XRN1: variants seen among roughly 807,000 people sequenced by gnomAD.
XRN1 encodes the protein 5'-3' exoribonuclease 1.
Under a neutral mutation model 222.3 loss-of-function variants are expected in XRN1, and 67 were observed. The observed-to-expected ratio is 0.30, with a 90% CI of 0.25 to 0.37. The LOEUF is 0.37. Ranked by LOEUF, XRN1 falls within the 10% of genes least tolerant of loss-of-function variation. The pLI is 1.00. For missense variants in XRN1, 1,707 were observed against 2,000.2 expected, an observed-to-expected ratio of 0.85 and a Z score of 2.80; for synonymous variants, 643 against 652.4, an observed-to-expected ratio of 0.99 and a Z score of 0.22.
At chr3:142,393,730 C>T (rs2862743) in intron 20 of XRN1, among the ~76,000 whole-genome samples, 95,583 of 152,098 alleles carry the variant, frequency 0.63, 31,987 homozygotes, top group African/African-American at 0.88. Flanking sequence ...ACAAACATCT[C>T]ACTGTCTGAT....
At chr3:142,380,036 A>G (rs2067255405) in intron 23 of XRN1, 46 bp downstream of exon 23, 2 of 1,494,324 alleles carry the variant, frequency 1.3e-6, no homozygotes, top group Non-Finnish European at 1.8e-6. Context: ...TAATATTTTA[A>G]AAGTTTATCA....
At chr3:142,371,816 A>T (rs998509321) in intron 25 of XRN1, among the ~76,000 whole-genome samples, 1 of 152,196 alleles carries the variant, frequency 6.6e-6, no homozygotes, top group African/African-American at 2.4e-5. Context: ...CATTAAAATG[A>T]CAATATAGTA....
intron 26 of XRN1, 94 bp from the exon 27 acceptor site, chr3:142,370,714 T>C (rs2066962435): frequency 4.7e-6 from 5 of 1,074,228 alleles, no homozygotes; most frequent in African/African-American, 3.3e-5. Flanking sequence ...TAATAATTAG[T>C]CACTGAACTT....
chr3:142,442,145 G>C (rs919459480), intron 1 of XRN1, among the ~76,000 whole-genome samples: 7 of 152,192 alleles, frequency 4.6e-5, no homozygotes, highest in Non-Finnish European at 7.3e-5. Flanking sequence ...CTCTAAATAT[G>C]CTTACCTAGT....
intron 34 of XRN1, among the ~76,000 whole-genome samples, chr3:142,334,340 C>A (rs2107927526): frequency 6.6e-6 from 1 of 151,774 alleles, no homozygotes; most frequent in South Asian, 2.1e-4. Flanking sequence ...TCAGCTAAGA[C>A]CTTTTATAAA....
intron 26 of XRN1, 90 bp downstream of exon 26, chr3:142,371,147 AGT>A: frequency 1.0e-6 from 1 of 984,816 alleles, no homozygotes; most frequent in Non-Finnish European, 1.5e-6. Context: ...AAAAAAAAAA[AGT>A]AATATGAAAT....
rs1409724534 is a variant in XRN1, at chr3:142,397,303, T to C, written c.2339+26A>G. The stretch of plus-strand genomic sequence containing the variant: ...ATTAAAACGGATTTTAGTTCCATGA[T>C]ATTAAATACTTTTAACGATACTCAC... On this transcript the variant is annotated intron_variant, in intron 20 of 40. Coordinates refer to ENST00000392981, the MANE Select transcript of XRN1 (RefSeq NM_001282857.2). The C allele has an allele frequency of 4.5e-6, 7 of 1,546,036 alleles. No individual in the cohort carries two copies. The South Asian group carries it at 8.8e-5, about 20-fold the overall frequency.
chr3:142,440,800 T>G (rs904007009), intron 1 of XRN1, among the ~76,000 whole-genome samples: 1 of 152,160 alleles, frequency 6.6e-6, no homozygotes, highest in Non-Finnish European at 1.5e-5. Context: ...GATGCCTTTT[T>G]CTGCAACCCT....
chr3:142,330,541 A>G (rs375255244), intron 36 of XRN1, among the ~76,000 whole-genome samples: 1 of 151,942 alleles, frequency 6.6e-6, no homozygotes, highest in Non-Finnish European at 1.5e-5. Context: ...AGTTAGTTCT[A>G]TAACAGGGGC....
At chr3:142,316,357 T>A in intron 39 of XRN1, among the ~76,000 whole-genome samples, 1 of 152,034 alleles carries the variant, frequency 6.6e-6, no homozygotes, top group East Asian at 1.9e-4. Flanking sequence ...GCTGGGACTA[T>A]AGGTGCATGC....
At chr3:142,413,280 A>T (rs928238144) in intron 14 of XRN1, among the ~76,000 whole-genome samples, 1 of 152,250 alleles carries the variant, frequency 6.6e-6, no homozygotes, top group Admixed American at 6.5e-5. Context: ...AATAACCAGT[A>T]TGGCATGGGC....
At chr3:142,437,593 C>T (rs2069973208) in intron 1 of XRN1, among the ~76,000 whole-genome samples, 1 of 152,124 alleles carries the variant, frequency 6.6e-6, no homozygotes, top group African/African-American at 2.4e-5. Flanking sequence ...CAAGCTACTA[C>T]AAGAAAACAT....
intron 2 of XRN1, among the ~76,000 whole-genome samples, chr3:142,430,626 T>C (rs180995907): frequency 1.4e-4 from 22 of 152,308 alleles, no homozygotes; most frequent in Non-Finnish European, 2.9e-4. Flanking sequence ...CCGGCAGCCT[T>C]CTTCAAAGCA....
rs532289821 is a variant in XRN1, at chr3:142,444,939, C to CTATATGCTATATTT, written c.75+2930_75+2931insAAATATAGCATATA. Among the ~76,000 whole-genome samples the CTATATGCTATATTT allele has an allele frequency of 5.1e-3, 779 of 152,234 alleles. 9 individuals carry two copies. Among genetic ancestry groups the CTATATGCTATATTT allele is most frequent in the African/African-American group, 0.018 (757 of 41,530 alleles). On this transcript the variant is annotated intron_variant, in intron 1 of 40. Transcript: ENST00000392981. Reference sequence around the variant, plus strand: ...ACCATGTCTATTTTAATATGCATTTCTATATGCTATATGCTATAGCTAATA... The same window carrying CTATATGCTATATTT: ...ACCATGTCTATTTTAATATGCATTTCTATATGCTATATTTTATATGCTATATGCTATAGCTAATA...
chr3:142,371,203 A>C (rs754046213), intron 26 of XRN1, 36 bp downstream of exon 26: 1 of 1,520,810 alleles, frequency 6.6e-7, no homozygotes, highest in Non-Finnish European at 9.1e-7. Context: ...CACTGAATTG[A>C]ACTATGAGGT....
rs573856556 is a variant in XRN1 at position 142,321,105 on chromosome 3, C to CTTTTT, written c.4405-2207_4405-2203dup. On this transcript the variant is annotated intron_variant, in intron 37 of 40. Transcript: ENST00000392981. ...CATTTGCTGAAAGATCATCCACTTCCTTTTTTTTTTTTTTTTTTTTTTTTT... is the reference window on the plus strand; with the variant it reads ...CATTTGCTGAAAGATCATCCACTTCCTTTTTTTTTTTTTTTTTTTTTTTTTTTTTT... Among the ~76,000 whole-genome samples the CTTTTT allele has an allele frequency of 2.4e-3, 206 of 87,282 alleles. 1 individual carries two copies. Among genetic ancestry groups the CTTTTT allele is most frequent in the African/African-American group, 3.3e-3 (68 of 20,798 alleles). 57.3% of individuals were successfully genotyped at this position (87,282 alleles called of 152,430 possible).
intron 39 of XRN1, among the ~76,000 whole-genome samples, chr3:142,313,887 C>A (rs1369306008): frequency 6.6e-6 from 1 of 152,064 alleles, no homozygotes; most frequent in Non-Finnish European, 1.5e-5. Context: ...TTGCAGTGAG[C>A]CAAGATCATG....
chr3:142,431,818 A>C (rs1334803411), intron 2 of XRN1, among the ~76,000 whole-genome samples: 2 of 119,656 alleles, frequency 1.7e-5, no homozygotes, highest in South Asian at 4.7e-4. Flanking sequence ...ACTCCATCTC[A>C]AAAAAAAAAT....
chr3:142,407,858 C>T (rs1036052050), intron 15 of XRN1: 1 of 152,152 alleles, frequency 6.6e-6, no homozygotes, highest in African/African-American at 2.4e-5. Flanking sequence ...CTGTTTGTTT[C>T]ATTATCAGCC....
Sources: allele counts gnomAD v4.1 joint callset (sites outside exome capture counted in the v4.1 genomes callset), GRCh38; gene constraint gnomAD v4.1.1; transcripts MANE v1.5; gene names NCBI Gene and HGNC (gene_info 2026-07-23, HGNC 2026-07-21).